KPRP: variants seen among roughly 807,000 people sequenced by gnomAD.
KPRP encodes keratinocyte proline-rich protein.
For missense variants in KPRP, 820 were observed against 746.4 expected (o/e 1.10, Z -1.15); for synonymous variants, 282 against 276.9 (o/e 1.02, Z -0.18).
At chr1:152,760,091 G>T in exon 1 of KPRP, 1 of 1,613,942 alleles carries the variant, frequency 6.2e-7, no homozygotes, top group Non-Finnish European at 8.5e-7. Context: ...TATAGAGGGC[G>T]TCCTGCAGTG....
At chr1:152,758,997 A>T (rs1297470223), upstream of KPRP, among the ~76,000 whole-genome samples, 1 of 152,244 alleles carries the variant, frequency 6.6e-6, no homozygotes, top group East Asian at 1.9e-4. Flanking sequence ...AATTTATCTA[A>T]AAACATTGAA....
chr1:152,761,496 G>C, exon 1 of KPRP: 2 of 1,335,058 alleles, frequency 1.5e-6, no homozygotes, highest in Non-Finnish European at 2.0e-6. Flanking sequence ...ATCCACACCT[G>C]GGTCTCAGAT....
chr1:152,760,900 C>T (rs76337351), exon 1 of KPRP: 2 of 1,614,144 alleles, frequency 1.2e-6, no homozygotes, highest in South Asian at 1.1e-5. Context: ...AGAACCACTT[C>T]CAGCACTACG....
rs566102689 is a variant in KPRP at position 152,761,883 on chromosome 1, C to T, written c.*555C>T. On this transcript the variant is annotated 3_prime_UTR_variant, in exon 1 of 1. Transcript: ENST00000606109. Reference sequence around the variant, plus strand: ...ATCTGCCCAACTAGGTTGTAAACTCCCAACTGAGTGGAGTCGGAGAATCTC... The same window carrying T: ...ATCTGCCCAACTAGGTTGTAAACTCTCAACTGAGTGGAGTCGGAGAATCTC... 177 of 168,834 alleles carry T rather than the reference C, an allele frequency of 1.0e-3. 1 individual carries two copies. Among genetic ancestry groups the T allele is most frequent in the Middle Eastern group, 6.8e-3 (2 of 296 alleles). 10.5% of individuals were successfully genotyped at this position (168,834 alleles called of 1,614,324 possible).
At chr1:152,758,668 T>A (rs1007999513), upstream of KPRP, among the ~76,000 whole-genome samples, 1 of 152,228 alleles carries the variant, frequency 6.6e-6, no homozygotes, top group Non-Finnish European at 1.5e-5. Context: ...CCCAGCTGCG[T>A]AGATCTTTAA....
Position 152,759,667 on chromosome 1 carries a change from C to T in KPRP, c.79C>T (p.Gln27Ter), listed in dbSNP as rs1201102946. 2.5e-6 allele frequency: 4 copies of T among 1,614,186 alleles called. No homozygotes were observed. Among genetic ancestry groups the T allele is most frequent in the Non-Finnish European group, 3.4e-6 (4 of 1,180,042 alleles). Residue 27 changes from glutamine to a stop codon, truncating the protein, a stop_gained, in exon 1 of 1, where the codon CAA becomes TAA. Coordinates refer to ENST00000606109, the Ensembl canonical transcript of KPRP. LOFTEE classifies it low-confidence loss of function (END_TRUNC). Reference sequence around the variant, plus strand: ...CAAGGGTCCCTCCTTCTGCTCCTCTCAATCCCCCTTTGCCCAGAGCCAAGT... The same window carrying T: ...CAAGGGTCCCTCCTTCTGCTCCTCTTAATCCCCCTTTGCCCAGAGCCAAGT...
chr1:152,758,825 G>C (rs1316910385), upstream of KPRP, among the ~76,000 whole-genome samples: 1 of 152,240 alleles, frequency 6.6e-6, no homozygotes, highest in African/African-American at 2.4e-5. Flanking sequence ...ATTAGCAACA[G>C]CAACCTGACT....
chr1:152,759,305 C>T (rs140141222), upstream of KPRP, among the ~76,000 whole-genome samples: 594 of 152,302 alleles, frequency 3.9e-3, 2 homozygotes, highest in African/African-American at 0.014. Context: ...ATCCTTTTGT[C>T]ATCAGTGCCC....
chr1:152,758,592 T>C (rs543847118), upstream of KPRP, among the ~76,000 whole-genome samples: 1 of 152,174 alleles, frequency 6.6e-6, no homozygotes, highest in Non-Finnish European at 1.5e-5. Context: ...GGCTGCCCTG[T>C]GCTCTCCCCA....
At chr1:152,758,376 G>A (rs925962437), upstream of KPRP, among the ~76,000 whole-genome samples, 1 of 152,194 alleles carries the variant, frequency 6.6e-6, no homozygotes, top group Non-Finnish European at 1.5e-5. Flanking sequence ...AAAGTTGTGT[G>A]TGGAAGGGTT....
exon 1 of KPRP, chr1:152,761,059 T>G (rs966074610): frequency 1.9e-6 from 3 of 1,613,950 alleles, no homozygotes; most frequent in East Asian, 4.5e-5. Context: ...CCCGGAGCCC[T>G]GCAGGGAGAC....
exon 1 of KPRP, chr1:152,759,820 A>T (rs1392545141): frequency 8.7e-6 from 14 of 1,613,826 alleles, no homozygotes; most frequent in Non-Finnish European, 1.2e-5. Flanking sequence ...CCAGTCTAAG[A>T]CCAAGCAGGT....
chr1:152,759,646 G>T (rs547882733), exon 1 of KPRP: 1 of 1,613,982 alleles, frequency 6.2e-7, no homozygotes, highest in Non-Finnish European at 8.5e-7. Context: ...CTGCGTCAAG[G>T]GTCCCTCCTT....
upstream of KPRP, among the ~76,000 whole-genome samples, chr1:152,758,977 T>A (rs1303177542): frequency 6.6e-6 from 1 of 152,262 alleles, no homozygotes; most frequent in East Asian, 1.9e-4. Context: ...CATTGTATCA[T>A]GTTTAAATGA....
At chr1:152,760,921 C>T (rs766232082) in exon 1 of KPRP, 4 of 1,613,710 alleles carry the variant, frequency 2.5e-6, no homozygotes, top group Non-Finnish European at 3.4e-6. Flanking sequence ...TCCAACACCG[C>T]GGCCAGTTCC....
chr1:152,760,996 C>A (rs141557248), exon 1 of KPRP: 4 of 1,612,288 alleles, frequency 2.5e-6, no homozygotes, highest in Non-Finnish European at 2.5e-6. Context: ...CTGTGAGCAC[C>A]CAGAGCCTTG....
Position 152,761,142 on chromosome 1 carries a change from T to C in KPRP, c.1554T>C (p.Ser518=), listed in dbSNP as rs550739339. Residue 518 remains serine (S), a synonymous_variant, in exon 1 of 1, where the codon TCT becomes TCC. Transcript: ENST00000606109. The stretch of plus-strand genomic sequence containing the variant: ...CAGGAGACCTAGGCTGTCATGAGTC[T>C]AGTCCACACCGCCTAGACACCGAAG... 70 of 1,614,156 alleles carry C rather than the reference T, an allele frequency of 4.3e-5. 2 individuals are homozygous for C. In the South Asian group the frequency reaches 6.7e-4, roughly 15 times the overall value.
chr1:152,760,978 C>G, exon 1 of KPRP: 1 of 1,612,130 alleles, frequency 6.2e-7, no homozygotes, highest in Non-Finnish European at 8.5e-7. Flanking sequence ...ACGTCCATGC[C>G]TGCAGCCCTG....
At chr1:152,760,420 T>C in exon 1 of KPRP, 1 of 1,613,758 alleles carries the variant, frequency 6.2e-7, no homozygotes, top group Non-Finnish European at 8.5e-7. Flanking sequence ...TTTTGAGCCC[T>C]GCTCCAGCAG....
Sources: gnomAD v4.1 joint callset for allele counts (sites outside exome capture counted in the v4.1 genomes callset) on GRCh38, gnomAD v4.1.1 for gene constraint, MANE v1.5 for transcripts, NCBI Gene and HGNC (gene_info 2026-07-23, HGNC 2026-07-21) for gene names.